ZBTB20: variants seen among roughly 807,000 people sequenced by gnomAD.
The protein encoded by ZBTB20 is zinc finger and BTB domain-containing protein 20.
In ZBTB20, 9 loss-of-function variants were observed where a neutral mutation model predicts 56.9. The ratio of observed to expected loss-of-function variants is 0.16; its 90% CI spans 0.10 to 0.28. The LOEUF is 0.28. Among genes scored for constraint, ZBTB20 ranks in the 10% least tolerant of loss-of-function variants. ZBTB20 has a pLI of 1.00. For missense variants in ZBTB20, 655 were observed against 1,003.0 expected, an observed-to-expected ratio of 0.65 and a Z score of 4.69; for synonymous variants, 417 against 420.7, an observed-to-expected ratio of 0.99 and a Z score of 0.11.
At chr3:114,426,224 A>C (rs1381096001) in intron 7 of ZBTB20, among the ~76,000 whole-genome samples, 2 of 151,852 alleles carry the variant, frequency 1.3e-5, no homozygotes, top group Non-Finnish European at 2.9e-5. Flanking sequence ...CTGTAGTCCC[A>C]GCTACTTGGG....
rs2082371680 is a variant in ZBTB20 at position 115,070,510 on chromosome 3, G to C, written c.-507+709C>G. 2.6e-5 allele frequency among the ~76,000 whole-genome samples: 4 copies of C among 152,002 alleles called. No individual in the cohort carries two copies. The South Asian group carries it at 8.3e-4, about 32-fold the overall frequency. On this transcript the variant is annotated intron_variant, in intron 2 of 11. Transcript: ENST00000675478. The stretch of plus-strand genomic sequence containing the variant: ...CCAGAAGCAGGAATAACCTAAGAGG[G>C]AGTCTACTGTATACCTACCATTTCC...
chr3:114,846,616 A>AAC, intron 4 of ZBTB20, among the ~76,000 whole-genome samples: 1 of 152,222 alleles, frequency 6.6e-6, no homozygotes, highest in Non-Finnish European at 1.5e-5. Context: ...GAGGATATGG[A>AAC]TCCAACAGGA....
chr3:114,999,844 T>A (rs889770144), intron 2 of ZBTB20, among the ~76,000 whole-genome samples: 2 of 151,856 alleles, frequency 1.3e-5, no homozygotes, highest in South Asian at 2.1e-4. Flanking sequence ...TCAAAAGGTA[T>A]GTTAGCAACA....
intron 5 of ZBTB20, among the ~76,000 whole-genome samples, chr3:114,735,355 C>A (rs987216113): frequency 6.6e-6 from 1 of 152,010 alleles, no homozygotes; most frequent in African/African-American, 2.4e-5. Context: ...ATGTATCCTG[C>A]AACTCAAGGC....
chr3:114,489,384 A>T (rs1243848172), intron 7 of ZBTB20, among the ~76,000 whole-genome samples: 2 of 152,152 alleles, frequency 1.3e-5, no homozygotes, highest in Non-Finnish European at 2.9e-5. Flanking sequence ...AAAATATAAA[A>T]TTTCAAGTAG....
At chr3:114,614,450 CTCT>C (rs1167136639) in intron 6 of ZBTB20, among the ~76,000 whole-genome samples, 1 of 152,158 alleles carries the variant, frequency 6.6e-6, no homozygotes, top group African/African-American at 2.4e-5. Context: ...GGCTGTCTAT[CTCT>C]TCAAGCTTCC....
chr3:115,049,201 G>T (rs1268508466), intron 2 of ZBTB20, among the ~76,000 whole-genome samples: 1 of 152,030 alleles, frequency 6.6e-6, no homozygotes, highest in African/African-American at 2.4e-5. Context: ...CTGGTATATA[G>T]AGAGAGGAAT....
intron 2 of ZBTB20, among the ~76,000 whole-genome samples, chr3:115,000,577 T>C (rs530925883): frequency 6.6e-6 from 1 of 151,698 alleles, no homozygotes; most frequent in African/African-American, 2.4e-5. Flanking sequence ...GTTGGCTATA[T>C]TCAAAAGAAA....
intron 2 of ZBTB20, among the ~76,000 whole-genome samples, chr3:115,053,095 CT>C (rs2081615339): frequency 6.6e-6 from 1 of 152,138 alleles, no homozygotes; most frequent in South Asian, 2.1e-4. Flanking sequence ...GTAATTCCCC[CT>C]GAACTAAATA....
chr3:114,628,816 C>A (rs1436488661), intron 6 of ZBTB20, among the ~76,000 whole-genome samples: 1 of 152,148 alleles, frequency 6.6e-6, no homozygotes, highest in Non-Finnish European at 1.5e-5. Context: ...AATATTTCAT[C>A]TGCCTTCAAT....
chr3:115,034,893 T>C (rs2080850897), intron 2 of ZBTB20, among the ~76,000 whole-genome samples: 1 of 150,934 alleles, frequency 6.6e-6, no homozygotes, highest in African/African-American at 2.4e-5. Flanking sequence ...TAAAATAGAG[T>C]CCAGAAATAA....
intron 2 of ZBTB20, among the ~76,000 whole-genome samples, chr3:115,052,774 A>G (rs2081601831): frequency 6.6e-6 from 1 of 152,188 alleles, no homozygotes; most frequent in African/African-American, 2.4e-5. Flanking sequence ...TGTAAATGCT[A>G]TTATAGGAGA....
At chr3:114,506,877 T>A (rs1430293827) in intron 6 of ZBTB20, among the ~76,000 whole-genome samples, 1 of 152,182 alleles carries the variant, frequency 6.6e-6, no homozygotes, top group East Asian at 1.9e-4. Flanking sequence ...TGCTCTTCCC[T>A]GAACATGGCC....
intron 7 of ZBTB20, among the ~76,000 whole-genome samples, chr3:114,425,646 T>C (rs545054300): frequency 1.3e-5 from 2 of 152,332 alleles, no homozygotes; most frequent in South Asian, 4.1e-4. Flanking sequence ...TAGTTTTTTC[T>C]TCTTATACTC....
intron 6 of ZBTB20, among the ~76,000 whole-genome samples, chr3:114,505,957 T>C (rs904250815): frequency 1.3e-5 from 2 of 152,114 alleles, no homozygotes; most frequent in African/African-American, 2.4e-5. Flanking sequence ...TATTTTCTAT[T>C]TGGCAAAAGG....
intron 1 of ZBTB20, among the ~76,000 whole-genome samples, chr3:115,118,556 G>C (rs995401968): frequency 2.6e-5 from 4 of 151,836 alleles, no homozygotes; most frequent in Admixed American, 2.6e-4. Flanking sequence ...TAAAAAAAAA[G>C]TCCTCACCAG....
intron 6 of ZBTB20, among the ~76,000 whole-genome samples, chr3:114,609,381 A>T (rs1237390472): frequency 1.3e-5 from 2 of 152,236 alleles, no homozygotes; most frequent in Non-Finnish European, 2.9e-5. Context: ...CTGTAGTTAT[A>T]TTACAAATTG....
chr3:114,737,337 T>C (rs1479590734), intron 5 of ZBTB20, among the ~76,000 whole-genome samples: 4 of 152,158 alleles, frequency 2.6e-5, no homozygotes, highest in African/African-American at 9.7e-5. Context: ...CCCACCTCTC[T>C]ATTTTCAAGA....
At chr3:114,871,141 C>T (rs933943782) in intron 4 of ZBTB20, among the ~76,000 whole-genome samples, 2 of 152,164 alleles carry the variant, frequency 1.3e-5, no homozygotes, top group African/African-American at 4.8e-5. Flanking sequence ...ACCACATACA[C>T]GTACACCTCA....
Sources: gnomAD v4.1 joint callset for allele counts (sites outside exome capture counted in the v4.1 genomes callset) on GRCh38, gnomAD v4.1.1 for gene constraint, MANE v1.5 for transcripts, NCBI Gene and HGNC (gene_info 2026-07-23, HGNC 2026-07-21) for gene names.